The following SIRPA variants were observed in gnomAD, a reference collection of about 807,000 sequenced individuals.
The protein encoded by SIRPA is signal regulatory protein alpha.
Under a neutral mutation model 50.3 loss-of-function variants are expected in SIRPA, and 9 were observed. The ratio of observed to expected loss-of-function variants is 0.18; its 90% CI spans 0.11 to 0.31. The LOEUF (loss-of-function observed/expected upper bound fraction) is 0.31, where lower values mean the gene tolerates loss of function less well. Among genes scored for constraint, SIRPA ranks in the 10% least tolerant of loss-of-function variants. The pLI is 1.00. For missense variants in SIRPA, 474 were observed against 661.6 expected (o/e 0.72, Z 3.11); for synonymous variants, 265 against 284.1 (o/e 0.93, Z 0.68).
intron 1 of SIRPA, among the ~76,000 whole-genome samples, chr20:1,899,237 C>T (rs1265465354): frequency 6.6e-6 from 1 of 151,962 alleles, no homozygotes; most frequent in East Asian, 1.9e-4. Context: ...ACAAAGCTGC[C>T]GTGAGGCCTG....
In SIRPA at chr20:1,898,340, T is replaced by C. The variant is rs945856800; in HGVS notation, c.79+2814T>C. 6.6e-6 allele frequency among the ~76,000 whole-genome samples: 1 copy of C among 152,234 alleles called. No individual in the cohort carries two copies. The highest frequency in any genetic ancestry group is 1.5e-5 in the Non-Finnish European group (1 of 68,042). ...TAAAGCCATAGTTTTCTCTGAGTAC[T>C]TTCTGGCCTTTACCAACCCCTCGGA... On this transcript the variant is annotated intron_variant, in intron 1 of 7. Coordinates refer to ENST00000358771, the MANE Select transcript of SIRPA (RefSeq NM_001040023.2). This position sits in a 1 kb window ranked among gnomAD's most constrained non-coding sequence, Gnocchi z 4.3.
In SIRPA at chr20:1,937,967, G is replaced by GACCTCCACC. The variant is rs926706424; in HGVS notation, c.*412_*420dup. On this transcript the variant is annotated 3_prime_UTR_variant, in exon 8 of 8. Transcript: ENST00000358771. This position sits in a 1 kb window ranked among gnomAD's most constrained non-coding sequence, Gnocchi z 8.3. The stretch of plus-strand genomic sequence containing the variant: ...GGGAGGAGAAAATCCCACCTCCCCT[G>GACCTCCACC]ACCTCCACCACCTCCACCACCACCA... 3.1e-5 allele frequency: 6 copies of GACCTCCACC among 193,280 alleles called. No individual in the cohort carries two copies. Among genetic ancestry groups the GACCTCCACC allele is most frequent in the African/African-American group, 1.0e-4 (4 of 38,286 alleles). The allele number at this position is 193,280 out of a possible 1,614,324, so 12.0% of individuals were successfully genotyped here.
rs76671389 is a variant in SIRPA at position 1,922,862 on chromosome 20, T to G, written c.1087+217T>G. Among the ~76,000 whole-genome samples the G allele has an allele frequency of 2.0e-3, 306 of 152,278 alleles. 1 individual carries two copies. Among genetic ancestry groups the G allele is most frequent in the African/African-American group, 7.1e-3 (294 of 41,548 alleles). On this transcript the variant is annotated intron_variant, in intron 4 of 7. Transcript: ENST00000358771. The stretch of plus-strand genomic sequence containing the variant: ...GCACATCTTGATAGATCTTTTGACA[T>G]AGATTTATATCACAGGAGGAAAGAG...
At chr20:1,899,601 C>G (rs1984043621) in intron 1 of SIRPA, among the ~76,000 whole-genome samples, 1 of 152,192 alleles carries the variant, frequency 6.6e-6, no homozygotes, top group Non-Finnish European at 1.5e-5. Context: ...AAATGCCCTC[C>G]CTGTACCTCC....
At chr20:1,895,553 T>G (rs1169184209) in intron 1 of SIRPA, 27 bp downstream of exon 1, 6 of 1,406,230 alleles carry the variant, frequency 4.3e-6, no homozygotes, top group Non-Finnish European at 5.6e-6. Context: ...TCCCCACCGC[T>G]GCACTCCCCA....
In SIRPA at chr20:1,937,419, A is replaced by C; in HGVS notation, c.1366A>C (p.Ile456Leu). The stretch of plus-strand genomic sequence containing the variant: ...CAACAACCACACGGAGTATGCCAGC[A>C]TTCAGACCAGCCCGCAGCCCGCGTC... ...EPNNHTEYAS[I>L]QTSPQPASED... Residue 456 changes from isoleucine to leucine, a missense_variant, in exon 8 of 8, where the codon ATT becomes CTT. Physicochemically the swap from Ile to Leu is conservative, Grantham distance 5. Around this residue, in one of 4 missense-constraint regions of SIRPA, gnomAD observed 180 missense variants for 206.7 expected, o/e 0.87. Transcript: ENST00000358771. The surrounding 1 kb of genome is among the most constrained non-coding windows in gnomAD (Gnocchi z 8.3). The C allele has an allele frequency of 6.2e-7, 1 of 1,614,118 alleles. No individual in the cohort carries two copies. The highest frequency in any genetic ancestry group is 8.5e-7 in the Non-Finnish European group (1 of 1,180,014).
rs1986559578 is a variant in SIRPA, at chr20:1,936,085, T to C, written c.1267-1235T>C. On this transcript the variant is annotated intron_variant, in intron 7 of 7. Coordinates refer to ENST00000358771, the MANE Select transcript of SIRPA (RefSeq NM_001040023.2). This position sits in a 1 kb window ranked among gnomAD's most constrained non-coding sequence, Gnocchi z 4.2. ...TGTGGTAAGAGTGGATGGGGTGATCTATGTGATTGTGTGCTGCTTGTAAGC... is the reference window on the plus strand; with the variant it reads ...TGTGGTAAGAGTGGATGGGGTGATCCATGTGATTGTGTGCTGCTTGTAAGC... Among the ~76,000 whole-genome samples, 1 of 152,042 alleles carries C rather than the reference T, an allele frequency of 6.6e-6. No homozygotes were observed. Among genetic ancestry groups the C allele is most frequent in the African/African-American group, 2.4e-5 (1 of 41,404 alleles).
In SIRPA at chr20:1,928,538, C is replaced by T. The variant is rs752155362; in HGVS notation, c.1226+639C>T. On this transcript the variant is annotated intron_variant, in intron 6 of 7. Coordinates refer to ENST00000358771, the MANE Select transcript of SIRPA (RefSeq NM_001040023.2). The surrounding 1 kb of genome is among the most constrained non-coding windows in gnomAD (Gnocchi z 4.9). ...CCAGGCTTTCATGGGGCTCAGACGC[C>T]GGTGAGAGAAACAGGCATAAACGCA... Among the ~76,000 whole-genome samples, 5 of 152,114 alleles carry T rather than the reference C, an allele frequency of 3.3e-5. No homozygotes were observed. The highest frequency in any genetic ancestry group is 7.2e-5 in the African/African-American group (3 of 41,410).
At position 1,927,934 on chromosome 20, in the gene SIRPA, T is replaced by C. The variant is rs745530875; in HGVS notation, c.1226+35T>C. 1.3e-5 allele frequency: 21 copies of C among 1,596,564 alleles called. No individual in the cohort carries two copies. Among genetic ancestry groups the C allele is most frequent in the Non-Finnish European group, 8.6e-7 (1 of 1,164,054 alleles). On this transcript the variant is annotated intron_variant, in intron 6 of 7. Coordinates refer to ENST00000358771, the MANE Select transcript of SIRPA (RefSeq NM_001040023.2). This position sits in a 1 kb window ranked among gnomAD's most constrained non-coding sequence, Gnocchi z 6.5. The stretch of plus-strand genomic sequence containing the variant: ...TCATTGGTCCAGACCCTCTTGCAGT[T>C]ATTATTTGGTTATTTGACAGCCCCC...
chr20:1,908,087 CAG>C (rs1388529675), intron 1 of SIRPA, among the ~76,000 whole-genome samples: 1 of 152,186 alleles, frequency 6.6e-6, no homozygotes, highest in African/African-American at 2.4e-5. Flanking sequence ...AGATACCACA[CAG>C]GGTGTTGACC....
chr20:1,913,023 G>A lies in SIRPA; in HGVS notation c.80-2076G>A, dbSNP rs115572954. Among the ~76,000 whole-genome samples, 781 of 152,330 alleles carry A rather than the reference G, an allele frequency of 5.1e-3. 7 individuals are homozygous for A. The highest frequency in any genetic ancestry group is 0.017 in the African/African-American group (727 of 41,574). On this transcript the variant is annotated intron_variant, in intron 1 of 7. Coordinates refer to ENST00000358771, the MANE Select transcript of SIRPA (RefSeq NM_001040023.2). ...TGGGCCTCTGTCCACTGTGGGTTCT[G>A]TCTGTCCACTGTGGGTTCTGTTTTT... is the stretch of plus-strand genomic sequence containing the variant.
At chr20:1,904,060 A>T (rs943901797) in intron 1 of SIRPA, among the ~76,000 whole-genome samples, 3 of 152,116 alleles carry the variant, frequency 2.0e-5, no homozygotes, top group African/African-American at 7.2e-5. Context: ...CCTTTTAAAG[A>T]GGAGGCTTGG....
At chr20:1,920,063 G>A (rs1241076865) in intron 2 of SIRPA, among the ~76,000 whole-genome samples, 1 of 152,152 alleles carries the variant, frequency 6.6e-6, no homozygotes, top group African/African-American at 2.4e-5. Context: ...TTAACAGGGT[G>A]GGGTTTGTAT....
intron 2 of SIRPA, among the ~76,000 whole-genome samples, chr20:1,919,982 C>T (rs1985548842): frequency 1.3e-5 from 2 of 152,108 alleles, no homozygotes; most frequent in Non-Finnish European, 2.9e-5. Context: ...CTCCTGATAA[C>T]AGTCACAGGG....
At chr20:1,904,928 A>G (rs1005512803) in intron 1 of SIRPA, among the ~76,000 whole-genome samples, 2 of 152,114 alleles carry the variant, frequency 1.3e-5, no homozygotes, top group African/African-American at 4.8e-5. Flanking sequence ...ATTGGAGTCC[A>G]GCATGTGCCG....
At chr20:1,935,971 C>G (rs1221552906) in intron 7 of SIRPA, among the ~76,000 whole-genome samples, 2 of 152,154 alleles carry the variant, frequency 1.3e-5, no homozygotes, top group Non-Finnish European at 2.9e-5. Flanking sequence ...TCTTTGCCAG[C>G]CGGACAACTT....
chr20:1,936,281 GAGGTATCCA>G lies in SIRPA; in HGVS notation c.1267-1036_1267-1028del, dbSNP rs1307386178. ...GCAGGTTGATAGGATTAGCACATGG[GAGGTATCCA>G]AGTTTGCTAAGTGGTTAATGATTGC... On this transcript the variant is annotated intron_variant, in intron 7 of 7. Transcript: ENST00000358771. The surrounding 1 kb of genome is among the most constrained non-coding windows in gnomAD (Gnocchi z 4.2). Among the ~76,000 whole-genome samples, 2 of 152,164 alleles carry G rather than the reference GAGGTATCCA, an allele frequency of 1.3e-5. No individual in the cohort carries two copies. Among genetic ancestry groups the G allele is most frequent in the Non-Finnish European group, 2.9e-5 (2 of 68,020 alleles).
At chr20:1,919,523 A>G (rs375907412) in intron 2 of SIRPA, among the ~76,000 whole-genome samples, 1 of 152,264 alleles carries the variant, frequency 6.6e-6, no homozygotes, top group Non-Finnish European at 1.5e-5. Flanking sequence ...GGGCCAAGGT[A>G]GGGGCCCCAG....
chr20:1,928,011 A>C lies in SIRPA; in HGVS notation c.1226+112A>C. 6 of 896,728 alleles carry C rather than the reference A, an allele frequency of 6.7e-6. No homozygotes were observed. The highest frequency in any genetic ancestry group is 6.6e-5 in the South Asian group (5 of 75,644). The allele number at this position is 896,728 out of a possible 1,614,324, so 55.5% of individuals were successfully genotyped here. On this transcript the variant is annotated intron_variant, in intron 6 of 7. Transcript: ENST00000358771. This position sits in a 1 kb window ranked among gnomAD's most constrained non-coding sequence, Gnocchi z 4.9. Reference sequence around the variant, plus strand: ...ACTGACCTCACCAATGTGTTGGTCAACATGTCTCTTTCTCTCCTTTGTAAC... The same window carrying C: ...ACTGACCTCACCAATGTGTTGGTCACCATGTCTCTTTCTCTCCTTTGTAAC...
Sources: gnomAD v4.1 joint callset for allele counts (sites outside exome capture counted in the v4.1 genomes callset) on GRCh38, gnomAD v4.1.1 for gene constraint, gnomAD v4.1.1 regional missense constraint, Gnocchi (gnomAD v3.1) non-coding constraint, MANE v1.5 for transcripts, NCBI Gene and HGNC (gene_info 2026-07-23, HGNC 2026-07-21) for gene names.